Variants in ACVR1 observed in about 807,000 individuals in gnomAD.
The protein encoded by ACVR1 is activin receptor type-1.
A neutral mutation model predicts 57.1 loss-of-function variants in ACVR1; 38 were observed. The ratio of observed to expected loss-of-function variants is 0.67; its 90% CI spans 0.51 to 0.87. The LOEUF is 0.87. Among genes scored for constraint, ACVR1 ranks in the 40% least tolerant of loss-of-function variants. The pLI is 0.00. For synonymous variants in ACVR1, 212 were observed against 228.1 expected (o/e 0.93, Z 0.63); for missense variants, 463 against 638.2 (o/e 0.73, Z 2.96).
chr2:157,836,353 G>A (rs1356188993), intron 1 of ACVR1, among the ~76,000 whole-genome samples: 2 of 152,180 alleles, frequency 1.3e-5, no homozygotes, highest in Non-Finnish European at 2.9e-5. Flanking sequence ...CACTTGGTGT[G>A]GCCTGAGAGT....
chr2:157,808,728 G>A (rs1687646597), intron 2 of ACVR1, among the ~76,000 whole-genome samples: 1 of 152,010 alleles, frequency 6.6e-6, no homozygotes, highest in Non-Finnish European at 1.5e-5. Flanking sequence ...TCCCCTGAAG[G>A]CTTCTAACAT....
At chr2:157,809,978 G>C (rs1271565287) in intron 2 of ACVR1, among the ~76,000 whole-genome samples, 1 of 151,968 alleles carries the variant, frequency 6.6e-6, no homozygotes, top group African/African-American at 2.4e-5. Flanking sequence ...CTGGAGGCTG[G>C]GACGACAAGA....
intron 6 of ACVR1, among the ~76,000 whole-genome samples, chr2:157,772,076 T>G (rs1686089559): frequency 6.6e-6 from 1 of 152,186 alleles, no homozygotes; most frequent in South Asian, 2.1e-4. Context: ...CTCAAATCCT[T>G]TTTTTGGTTG....
chr2:157,797,854 G>A (rs7577741), intron 3 of ACVR1, among the ~76,000 whole-genome samples: 2,418 of 152,206 alleles, frequency 0.016, 75 homozygotes, highest in African/African-American at 0.055. Flanking sequence ...GGGTATTAGG[G>A]CAGACCCCTC....
At chr2:157,795,377 A>AACACACAC (rs4029027) in intron 3 of ACVR1, among the ~76,000 whole-genome samples, 41 of 134,200 alleles carry the variant, frequency 3.1e-4, no homozygotes, top group African/African-American at 1.0e-3. Flanking sequence ...CCTTCCATAG[A>AACACACAC]ACACACACAC....
intron 3 of ACVR1, among the ~76,000 whole-genome samples, chr2:157,789,173 C>T (rs1420750528): frequency 6.6e-6 from 1 of 152,138 alleles, no homozygotes; most frequent in Non-Finnish European, 1.5e-5. Flanking sequence ...TCCTTTTTTA[C>T]CCCTGGGCCC....
At chr2:157,767,304 G>T (rs1685902238) in intron 7 of ACVR1, among the ~76,000 whole-genome samples, 2 of 152,172 alleles carry the variant, frequency 1.3e-5, no homozygotes, top group South Asian at 4.1e-4. Context: ...AAAGTGCTGG[G>T]ATTACAAGCG....
chr2:157,765,148 C>A (rs1197797974), intron 8 of ACVR1, among the ~76,000 whole-genome samples: 1 of 151,996 alleles, frequency 6.6e-6, no homozygotes, highest in African/African-American at 2.4e-5. Context: ...ATATAAAATG[C>A]CACTATAAAT....
intron 2 of ACVR1, among the ~76,000 whole-genome samples, chr2:157,809,122 C>T (rs1186916368): frequency 6.6e-6 from 1 of 152,134 alleles, no homozygotes; most frequent in African/African-American, 2.4e-5. Context: ...TATCATTAAA[C>T]CTTTCATAGT....
intron 1 of ACVR1, among the ~76,000 whole-genome samples, chr2:157,846,037 C>T (rs1689118030): frequency 6.6e-6 from 1 of 152,192 alleles, no homozygotes; most frequent in African/African-American, 2.4e-5. Flanking sequence ...TGAATGTTAT[C>T]TTATGTGACA....
intron 9 of ACVR1, among the ~76,000 whole-genome samples, chr2:157,748,082 C>T (rs970353526): frequency 1.3e-5 from 2 of 152,062 alleles, no homozygotes; most frequent in African/African-American, 2.4e-5. Flanking sequence ...CAGGAACTAC[C>T]AAGCAAGCCA....
chr2:157,854,351 T>C (rs948787101), intron 1 of ACVR1, among the ~76,000 whole-genome samples: 4 of 152,108 alleles, frequency 2.6e-5, no homozygotes, highest in African/African-American at 9.7e-5. Flanking sequence ...CATAAAAACA[T>C]CACTGAAAGA....
In ACVR1 at chr2:157,760,898, T is replaced by C; in HGVS notation, c.1246A>G (p.Arg416Gly). ...TACCTACCATTGCTCACCATCCGCC[T>C]GGCCACTTCCCACAAAACAAGTCCA... Reference protein sequence around the residue: ...AFGLVLWEVARRMVSNGIVED... With the variant: ...AFGLVLWEVAGRMVSNGIVED... The change falls in exon 9 of 11, where the codon AGG becomes GGG. Residue 416 changes from arginine (R) to glycine (G), a missense_variant. By Grantham distance (125) the Arg-to-Gly change is moderately radical. Around this residue, in one of 3 missense-constraint regions of ACVR1, gnomAD observed 146 missense variants for 186.6 expected, o/e 0.78. Transcript: ENST00000434821. 6.2e-7 allele frequency: 1 copy of C among 1,614,152 alleles called. No individual in the cohort carries two copies. The highest frequency in any genetic ancestry group is 1.1e-5 in the South Asian group (1 of 91,084).
chr2:157,863,607 G>A (rs1217990885), intron 1 of ACVR1, among the ~76,000 whole-genome samples: 6 of 150,970 alleles, frequency 4.0e-5, no homozygotes, highest in African/African-American at 1.5e-4. Context: ...TGAGGCATGA[G>A]AATCGCTTGA....
intron 5 of ACVR1, among the ~76,000 whole-genome samples, chr2:157,776,626 T>C (rs1429370378): frequency 6.6e-6 from 1 of 152,202 alleles, no homozygotes; most frequent in African/African-American, 2.4e-5. Context: ...CAGTGATGGA[T>C]GGGGCAGGCA....
Position 157,876,319 on chromosome 2 carries a change from G to A in ACVR1, c.-706C>T, listed in dbSNP as rs1460008078. ...GGGGGAGGCTGCGGCGGCGGCGGCG[G>A]CTGCAAAGAGCAGGAGCCGGAGCGG... On this transcript the variant is annotated 5_prime_UTR_variant, in exon 1 of 11. Transcript: ENST00000434821. Among the ~76,000 whole-genome samples, 2 of 151,236 alleles carry A rather than the reference G, an allele frequency of 1.3e-5. No individual in the cohort carries two copies. Among genetic ancestry groups the A allele is most frequent in the African/African-American group, 2.4e-5 (1 of 41,244 alleles).
chr2:157,780,664 T>C, intron 3 of ACVR1, 64 bp from the exon 4 acceptor site: 1 of 1,576,926 alleles, frequency 6.3e-7, no homozygotes, highest in Non-Finnish European at 8.6e-7. Context: ...GAGTTTCACC[T>C]TCATTGAGGG....
intron 9 of ACVR1, among the ~76,000 whole-genome samples, chr2:157,747,073 T>C (rs1684994609): frequency 6.6e-6 from 1 of 152,192 alleles, no homozygotes; most frequent in South Asian, 2.1e-4. Context: ...TTATAATGCA[T>C]TCAGAAACTC....
rs547573536 is a variant in ACVR1, at chr2:157,808,890, A to C, written c.-7-9390T>G. ...GTCAGTAATACATTTAAAAAAAAAA[A>C]AAAAAACAGAAAGTAGTAACATTTC... On this transcript the variant is annotated intron_variant, in intron 2 of 10. Transcript: ENST00000434821. Among the ~76,000 whole-genome samples, 34 of 151,836 alleles carry C rather than the reference A, an allele frequency of 2.2e-4. 1 individual carries two copies. The highest frequency in any genetic ancestry group is 6.8e-3 in the Middle Eastern group (2 of 292).
Sources: allele counts gnomAD v4.1 joint callset (sites outside exome capture counted in the v4.1 genomes callset), GRCh38; gene constraint gnomAD v4.1.1; regional missense constraint gnomAD v4.1.1; transcripts MANE v1.5; gene names NCBI Gene and HGNC (gene_info 2026-07-23, HGNC 2026-07-21).